Variants in SPON1 observed in about 807,000 individuals in gnomAD.
SPON1 encodes spondin 1.
Under a neutral mutation model 111.7 loss-of-function variants are expected in SPON1, and 52 were observed. That is an observed-to-expected ratio of 0.47 (90% confidence interval 0.37 to 0.59). The LOEUF (loss-of-function observed/expected upper bound fraction) is 0.59. Among genes scored for constraint, SPON1 ranks in the 20% least tolerant of loss-of-function variants. The pLI is 0.00. For synonymous variants in SPON1, 410 were observed against 395.8 expected (o/e 1.04, Z -0.43); for missense variants, 957 against 1,068.5 (o/e 0.90, Z 1.46).
intron 6 of SPON1, among the ~76,000 whole-genome samples, chr11:14,213,964 T>A (rs1054308757): frequency 6.6e-6 from 1 of 152,216 alleles, no homozygotes; most frequent in Non-Finnish European, 1.5e-5. Flanking sequence ...ATCAAACCCA[T>A]GTGTGCACAC....
In SPON1 at chr11:14,160,961, A is replaced by T. The variant is rs1331124993; in HGVS notation, c.825+25393A>T. 1.5e-4 allele frequency among the ~76,000 whole-genome samples: 9 copies of T among 59,326 alleles called. 1 individual carries two copies. The highest frequency in any genetic ancestry group is 2.7e-4 in the African/African-American group (4 of 14,918). 38.9% of individuals were successfully genotyped at this position (59,326 alleles called of 152,430 possible). A position where few individuals can be genotyped will look rare whatever the true frequency, so the allele number is the denominator to read the frequency against. On this transcript the variant is annotated intron_variant, in intron 6 of 15. Coordinates refer to ENST00000576479, the MANE Select transcript of SPON1 (RefSeq NM_006108.4). ...TATATATATTTATATATTTATATAT[A>T]TTTATATATATTTTTATATATTTAT...
chr11:14,205,398 T>C (rs1848507265), intron 6 of SPON1, among the ~76,000 whole-genome samples: 1 of 152,206 alleles, frequency 6.6e-6, no homozygotes, highest in Non-Finnish European at 1.5e-5. Context: ...GGATGGATGC[T>C]TAGCTATTTA....
rs188423737 is a variant in SPON1, at chr11:13,968,703, A to T, written c.238+5561A>T. On this transcript the variant is annotated intron_variant, in intron 1 of 15. Transcript: ENST00000576479. ...TTACAGCCGAGGAGAACCTCTGCACACCTGTATTCAGTCAGCATGCAGTGG... is the reference window on the plus strand; with the variant it reads ...TTACAGCCGAGGAGAACCTCTGCACTCCTGTATTCAGTCAGCATGCAGTGG... Among the ~76,000 whole-genome samples, 5 of 152,290 alleles carry T rather than the reference A, an allele frequency of 3.3e-5. No homozygotes were observed. The East Asian group carries it at 9.7e-4, about 29-fold the overall frequency.
At chr11:14,059,412 TCAGG>T (rs1848773176) in intron 3 of SPON1, among the ~76,000 whole-genome samples, 1 of 152,104 alleles carries the variant, frequency 6.6e-6, no homozygotes, top group Admixed American at 6.5e-5. Flanking sequence ...GCATGTGGTC[TCAGG>T]CAGGAGGGAA....
intron 15 of SPON1, among the ~76,000 whole-genome samples, chr11:14,264,040 A>G (rs1256464713): frequency 3.9e-5 from 6 of 151,988 alleles, no homozygotes; most frequent in Admixed American, 3.9e-4. Context: ...AAATTAAAAA[A>G]AAAAAAAAAG....
intron 6 of SPON1, among the ~76,000 whole-genome samples, chr11:14,174,650 G>T (rs1188452487): frequency 6.7e-6 from 1 of 149,594 alleles, no homozygotes; most frequent in Non-Finnish European, 1.5e-5. Context: ...CATTAAGTGT[G>T]GCAAGACAAA....
intron 2 of SPON1, among the ~76,000 whole-genome samples, chr11:13,994,093 A>G (rs1432398128): frequency 6.6e-6 from 1 of 152,190 alleles, no homozygotes; most frequent in Non-Finnish European, 1.5e-5. Context: ...ATTTAGTGGC[A>G]TTTAATGGGT....
At chr11:14,008,663 C>G (rs1306919004) in intron 2 of SPON1, among the ~76,000 whole-genome samples, 1 of 152,190 alleles carries the variant, frequency 6.6e-6, no homozygotes, top group African/African-American at 2.4e-5. Context: ...AATAATGGAT[C>G]TCTCCATCCC....
At chr11:14,240,062 A>G (rs180918493) in intron 6 of SPON1, among the ~76,000 whole-genome samples, 8 of 152,350 alleles carry the variant, frequency 5.3e-5, no homozygotes, top group Admixed American at 5.2e-4. Context: ...TCTTCATCAC[A>G]GCATCATTTA....
chr11:14,084,791 C>T (rs1346141148), intron 5 of SPON1, among the ~76,000 whole-genome samples: 1 of 152,178 alleles, frequency 6.6e-6, no homozygotes, highest in East Asian at 1.9e-4. Context: ...CCTATTTCTC[C>T]ACATCCTCTC....
intron 2 of SPON1, among the ~76,000 whole-genome samples, chr11:14,006,909 T>C (rs182365177): frequency 1.4e-4 from 21 of 152,314 alleles, no homozygotes; most frequent in African/African-American, 5.1e-4. Flanking sequence ...ACAACAGAAA[T>C]TTAATTATCT....
intron 5 of SPON1, among the ~76,000 whole-genome samples, chr11:14,117,467 A>G (rs1286140443): frequency 2.0e-5 from 3 of 152,126 alleles, no homozygotes; most frequent in African/African-American, 4.8e-5. Flanking sequence ...TGTTAATGTG[A>G]TGAATTGTAT....
intron 6 of SPON1, among the ~76,000 whole-genome samples, chr11:14,239,010 G>T (rs1162927340): frequency 6.6e-6 from 1 of 152,148 alleles, no homozygotes; most frequent in Admixed American, 6.5e-5. Flanking sequence ...TTTCATTTAA[G>T]TCTGAAGTGT....
chr11:14,189,416 A>G (rs1386897404), intron 6 of SPON1, among the ~76,000 whole-genome samples: 1 of 152,100 alleles, frequency 6.6e-6, no homozygotes, highest in Admixed American at 6.5e-5. Flanking sequence ...CCATCTGGGT[A>G]CTACCAGGGC....
chr11:14,077,953 G>A (rs1848931619), intron 4 of SPON1, among the ~76,000 whole-genome samples: 1 of 152,176 alleles, frequency 6.6e-6, no homozygotes, highest in African/African-American at 2.4e-5. Context: ...GAAGAGAGTT[G>A]CAAAGGAAGT....
chr11:14,000,981 A>G (rs782615951), intron 2 of SPON1, among the ~76,000 whole-genome samples: 5 of 152,244 alleles, frequency 3.3e-5, no homozygotes, highest in Non-Finnish European at 7.3e-5. Flanking sequence ...CTACTGTGAC[A>G]TGTGAAGAGC....
chr11:14,258,201 C>CT (rs1849131282), intron 11 of SPON1, among the ~76,000 whole-genome samples: 1 of 152,244 alleles, frequency 6.6e-6, no homozygotes, highest in African/African-American at 2.4e-5. Context: ...TGGGCCTTAA[C>CT]TCCAATCTCT....
chr11:14,003,558 C>T (rs768232721), intron 2 of SPON1, among the ~76,000 whole-genome samples: 4 of 152,110 alleles, frequency 2.6e-5, no homozygotes, highest in Non-Finnish European at 5.9e-5. Flanking sequence ...GAATAACCCA[C>T]ATTTGGCTGG....
intron 6 of SPON1, among the ~76,000 whole-genome samples, chr11:14,150,072 G>A (rs1302747302): frequency 5.3e-5 from 8 of 152,212 alleles, no homozygotes; most frequent in African/African-American, 1.7e-4. Flanking sequence ...ATCAACATAA[G>A]TGTCCATCAA....
Sources: gnomAD v4.1 joint callset for allele counts (sites outside exome capture counted in the v4.1 genomes callset) on GRCh38, gnomAD v4.1.1 for gene constraint, MANE v1.5 for transcripts, NCBI Gene and HGNC (gene_info 2026-07-23, HGNC 2026-07-21) for gene names.